The following ATP7A variants were observed in gnomAD, a reference collection of about 807,000 sequenced individuals.
The protein encoded by ATP7A is copper-transporting ATPase 1.
A neutral mutation model predicts 83.5 loss-of-function variants in ATP7A; 7 were observed. The observed-to-expected ratio is 0.08, with a 90% confidence interval of 0.05 to 0.16. The LOEUF (loss-of-function observed/expected upper bound fraction) is 0.16. Among genes scored for constraint, ATP7A ranks in the 10% least tolerant of loss-of-function variants. The probability of loss-of-function intolerance (pLI) is 1.00; values close to 1 mark genes in which losing one functional copy is unlikely to be tolerated. For synonymous variants in ATP7A, 354 were observed against 395.2 expected, an observed-to-expected ratio of 0.90 and a Z score of 1.24; for missense variants, 940 against 1,120.8, an observed-to-expected ratio of 0.84 and a Z score of 2.30.
intron 5 of ATP7A, among the ~76,000 whole-genome samples, chrX:78,002,777 C>T (rs782334256): frequency 1.1e-3 from 107 of 97,755 alleles, no homozygotes; most frequent in African/African-American, 2.6e-3. Flanking sequence ...GTGATAGGTA[C>T]GTCAAGTTTA....
chrX:78,045,944 C>T (rs2078080540), intron 22 of ATP7A, among the ~76,000 whole-genome samples: 2 of 112,014 alleles, frequency 1.8e-5, no homozygotes, highest in South Asian at 7.5e-4. Context: ...GATCGTGCCA[C>T]TGCACTCCAG....
At chrX:78,007,221 T>A (rs2077781741) in intron 6 of ATP7A, among the ~76,000 whole-genome samples, 1 of 112,817 alleles carries the variant, frequency 8.9e-6, no homozygotes, top group Admixed American at 9.4e-5. Flanking sequence ...AACTGGTATC[T>A]CATTTTGGTT....
intron 1 of ATP7A, among the ~76,000 whole-genome samples, chrX:77,929,903 T>C (rs1208500508): frequency 1.8e-5 from 2 of 112,275 alleles, no homozygotes; most frequent in African/African-American, 6.5e-5. Flanking sequence ...CGTGGCCACC[T>C]GGCCATATGT....
chrX:77,948,011 A>T, intron 1 of ATP7A, among the ~76,000 whole-genome samples: 1 of 110,174 alleles, frequency 9.1e-6, no homozygotes, highest in Non-Finnish European at 1.9e-5. Context: ...GAGTGCTGGG[A>T]TTACAGGCGT....
At chrX:78,033,532 GT>G in intron 16 of ATP7A, 72 bp from the exon 17 acceptor site, 1 of 1,018,274 alleles carries the variant, frequency 9.8e-7, no homozygotes, top group Non-Finnish European at 1.4e-6. Flanking sequence ...TTAACTAGGG[GT>G]TTTTATCTTG....
chrX:78,044,256 A>AG (rs1491164190), intron 21 of ATP7A, among the ~76,000 whole-genome samples: 1 of 1,674 alleles, frequency 6.0e-4, no homozygotes, highest in Non-Finnish European at 3.6e-3. Context: ...CTCCGTCTCC[A>AG]AAAAAAAAAA....
At chrX:77,975,176 G>T (rs782150540) in intron 2 of ATP7A, among the ~76,000 whole-genome samples, 19 of 111,516 alleles carry the variant, frequency 1.7e-4, no homozygotes, top group African/African-American at 6.2e-4. Context: ...CTAGTGGATT[G>T]GAACTTCCTA....
intron 1 of ATP7A, among the ~76,000 whole-genome samples, chrX:77,955,256 T>C (rs1557227211): frequency 8.9e-6 from 1 of 111,874 alleles, no homozygotes; most frequent in Admixed American, 9.5e-5. Context: ...TTGTATCCTT[T>C]TTTTGGACAT....
At chrX:77,996,972 C>T (rs1224764806) in intron 4 of ATP7A, among the ~76,000 whole-genome samples, 1 of 110,674 alleles carries the variant, frequency 9.0e-6, no homozygotes, top group Non-Finnish European at 1.9e-5. Context: ...TGGTAAATTT[C>T]ACAGTCTGTG....
At chrX:77,999,835 C>T (rs782590189) in intron 5 of ATP7A, among the ~76,000 whole-genome samples, 2 of 104,377 alleles carry the variant, frequency 1.9e-5, no homozygotes, top group South Asian at 8.8e-4. Context: ...ACCTGAGAGG[C>T]GGAGGTTGCA....
At chrX:77,916,415 TC>T (rs1194634635) in intron 1 of ATP7A, among the ~76,000 whole-genome samples, 3 of 105,480 alleles carry the variant, frequency 2.8e-5, no homozygotes, top group Non-Finnish European at 5.9e-5. Flanking sequence ...ATTGAGAGGG[TC>T]CCCCAGTAGC....
intron 1 of ATP7A, among the ~76,000 whole-genome samples, chrX:77,925,404 A>G (rs782129646): frequency 9.0e-6 from 1 of 111,545 alleles, no homozygotes; most frequent in East Asian, 2.8e-4. Flanking sequence ...ACATGAGTCA[A>G]ATGCTAGCGT....
intron 1 of ATP7A, among the ~76,000 whole-genome samples, chrX:77,917,313 A>G (rs920666005): frequency 1.8e-5 from 2 of 111,750 alleles, no homozygotes; most frequent in South Asian, 7.5e-4. Context: ...AAGTCTGTCT[A>G]AAAGTCCTTT....
chrX:77,969,551 G>C, intron 1 of ATP7A: 5 of 1,211,698 alleles, frequency 4.1e-6, no homozygotes, highest in Non-Finnish European at 5.6e-6. Context: ...GCCGGGCTCA[G>C]ATCGGCGTCG....
At chrX:77,942,456 G>A (rs782630762) in intron 1 of ATP7A, among the ~76,000 whole-genome samples, 1 of 108,987 alleles carries the variant, frequency 9.2e-6, no homozygotes, top group Non-Finnish European at 1.9e-5. Flanking sequence ...TTTGCGGGGG[G>A]GGTAGGGGAG....
intron 1 of ATP7A, among the ~76,000 whole-genome samples, chrX:77,931,009 C>CTTTTTTTTT (rs11379657): frequency 1.6e-4 from 11 of 67,261 alleles, no homozygotes; most frequent in East Asian, 4.8e-4. Flanking sequence ...TTTTTTTTAC[C>CTTTTTTTTT]TTTTTTTTTA....
chrX:77,931,009 C>CTTTTTTTTTT (rs11379657), intron 1 of ATP7A, among the ~76,000 whole-genome samples: 37 of 67,242 alleles, frequency 5.5e-4, no homozygotes, highest in Non-Finnish European at 5.8e-4. Context: ...TTTTTTTTAC[C>CTTTTTTTTTT]TTTTTTTTTA....
At chrX:78,023,394 T>A (rs782313052) in intron 14 of ATP7A, among the ~76,000 whole-genome samples, 1 of 112,577 alleles carries the variant, frequency 8.9e-6, no homozygotes, top group African/African-American at 3.2e-5. Context: ...TCCGTAGAGG[T>A]TGAACTGATT....
At chrX:77,987,291 C>T (rs1410925218) in intron 2 of ATP7A, among the ~76,000 whole-genome samples, 2 of 111,671 alleles carry the variant, frequency 1.8e-5, no homozygotes, top group East Asian at 5.6e-4. Flanking sequence ...TTACGAAGAA[C>T]TTTCCTATTT....
Sources: gnomAD v4.1 joint callset for allele counts (sites outside exome capture counted in the v4.1 genomes callset) on GRCh38, gnomAD v4.1.1 for gene constraint, MANE v1.5 for transcripts, NCBI Gene and HGNC (gene_info 2026-07-23, HGNC 2026-07-21) for gene names.